Variants in ABCA13 observed in about 807,000 individuals in gnomAD.
ABCA13 encodes the protein ATP binding cassette subfamily A member 13.
Under a neutral mutation model 478.7 loss-of-function variants are expected in ABCA13, and 476 were observed. The observed-to-expected ratio is 0.99, with a 90% CI of 0.92 to 1.07. The LOEUF (loss-of-function observed/expected upper bound fraction) is 1.07. Ranked by LOEUF, ABCA13 falls within the 50% of genes least tolerant of loss-of-function variation. The pLI is 0.00. For missense variants in ABCA13, 6,060 were observed against 5,910.6 expected (o/e 1.03, Z -0.83); for synonymous variants, 2,252 against 2,158.9 (o/e 1.04, Z -1.20).
chr7:48,562,181 T>G (rs1421036703), intron 55 of ABCA13, among the ~76,000 whole-genome samples: 1 of 152,082 alleles, frequency 6.6e-6, no homozygotes, highest in African/African-American at 2.4e-5. Flanking sequence ...GAATCCTTAT[T>G]ATGATCTGAG....
At chr7:48,475,095 C>T (rs1319562097) in intron 45 of ABCA13, among the ~76,000 whole-genome samples, 4 of 152,182 alleles carry the variant, frequency 2.6e-5, no homozygotes, top group Non-Finnish European at 5.9e-5. Flanking sequence ...GTAGATGCAG[C>T]ATTTTCTGCA....
intron 2 of ABCA13, among the ~76,000 whole-genome samples, chr7:48,197,116 G>T (rs531625826): frequency 6.6e-6 from 1 of 152,280 alleles, no homozygotes; most frequent in African/African-American, 2.4e-5. Flanking sequence ...GTGAAGTTAG[G>T]CTTGTGATCA....
intron 33 of ABCA13, among the ~76,000 whole-genome samples, chr7:48,373,465 A>G (rs764970079): frequency 1.8e-4 from 28 of 152,244 alleles, no homozygotes; most frequent in Non-Finnish European, 1.9e-4. Flanking sequence ...TACTAGCCAT[A>G]TGCTCACAAC....
At chr7:48,441,787 G>A (rs764476193) in intron 42 of ABCA13, among the ~76,000 whole-genome samples, 4 of 152,044 alleles carry the variant, frequency 2.6e-5, no homozygotes, top group Non-Finnish European at 5.9e-5. Context: ...ATGTTATAGA[G>A]ATGTGATTTG....
intron 23 of ABCA13, among the ~76,000 whole-genome samples, chr7:48,308,818 TACC>T (rs1801303740): frequency 6.6e-6 from 1 of 151,202 alleles, no homozygotes; most frequent in African/African-American, 2.4e-5. Flanking sequence ...CACAAATACT[TACC>T]ACTGTGTGAC....
Position 48,350,667 on chromosome 7 carries a change from A to G in ABCA13, c.10229A>G (p.Asn3410Ser), listed in dbSNP as rs754970187. The change falls in exon 30 of 62, where the codon AAC becomes AGC. Residue 3410 changes from asparagine (N) to serine (S), a missense_variant. Physicochemically the swap from Asn to Ser is conservative, Grantham distance 46. Around this residue, in one of 3 missense-constraint regions of ABCA13, gnomAD observed 4,423 missense variants for 4,309.1 expected, o/e 1.03. Coordinates refer to ENST00000435803, the MANE Select transcript of ABCA13 (RefSeq NM_152701.5). The stretch of plus-strand genomic sequence containing the variant: ...GGAGGGCTGCTGGATGAGATGTTTA[A>G]CCATGCAGGCGCTGGACGCTTCCGT... Reference protein sequence around the residue: ...TYGGLLDEMFNHAGAGRFRFL... With the variant: ...TYGGLLDEMFSHAGAGRFRFL... The G allele has an allele frequency of 5.0e-6, 8 of 1,613,530 alleles. No homozygotes were observed. The Admixed American group carries it at 1.2e-4, about 24-fold the overall frequency.
At chr7:48,229,722 G>A in intron 6 of ABCA13, 103 bp from the exon 7 acceptor site, 1 of 1,380,430 alleles carries the variant, frequency 7.2e-7, no homozygotes, top group Non-Finnish European at 1.0e-6. Flanking sequence ...TCTTGCAACA[G>A]CACTAGGGGC....
At chr7:48,472,225 GA>G (rs1827578010) in intron 45 of ABCA13, among the ~76,000 whole-genome samples, 1 of 151,934 alleles carries the variant, frequency 6.6e-6, no homozygotes, top group African/African-American at 2.4e-5. Context: ...TAATTTATAG[GA>G]AAAAGGGAAA....
intron 3 of ABCA13, among the ~76,000 whole-genome samples, chr7:48,215,362 A>G (rs1174429253): frequency 1.3e-5 from 2 of 152,166 alleles, no homozygotes; most frequent in East Asian, 3.8e-4. Flanking sequence ...TTATATGGGC[A>G]TGGTTTGTGG....
At chr7:48,562,831 C>T (rs774622437) in intron 55 of ABCA13, among the ~76,000 whole-genome samples, 8 of 151,840 alleles carry the variant, frequency 5.3e-5, no homozygotes, top group Non-Finnish European at 1.2e-4. Flanking sequence ...TAGATGGTTG[C>T]CAAAATTATG....
At chr7:48,363,671 C>A (rs967257138) in intron 31 of ABCA13, among the ~76,000 whole-genome samples, 3 of 151,984 alleles carry the variant, frequency 2.0e-5, no homozygotes, top group Non-Finnish European at 4.4e-5. Context: ...TTTCTACATC[C>A]CTTACTGTAT....
chr7:48,293,980 G>A (rs942158490), intron 20 of ABCA13, among the ~76,000 whole-genome samples: 2 of 151,906 alleles, frequency 1.3e-5, no homozygotes, highest in African/African-American at 2.4e-5. Flanking sequence ...GGCAAATCCC[G>A]GTTTTATCCA....
intron 42 of ABCA13, among the ~76,000 whole-genome samples, chr7:48,438,301 T>C (rs940994947): frequency 1.3e-5 from 2 of 152,032 alleles, no homozygotes; most frequent in Non-Finnish European, 2.9e-5. Context: ...TTTCAATGTG[T>C]TTTGTTTGTT....
At chr7:48,463,261 A>G (rs540132000) in intron 43 of ABCA13, among the ~76,000 whole-genome samples, 1 of 152,278 alleles carries the variant, frequency 6.6e-6, no homozygotes, top group East Asian at 1.9e-4. Context: ...GACAGATCAG[A>G]TAAGTATGTT....
intron 5 of ABCA13, among the ~76,000 whole-genome samples, chr7:48,221,891 G>A (rs1734639450): frequency 6.6e-6 from 1 of 152,210 alleles, no homozygotes; most frequent in Non-Finnish European, 1.5e-5. Context: ...CGGTTGATAA[G>A]CCTCAAGTTA....
At chr7:48,213,674 C>T (rs963535814) in intron 3 of ABCA13, among the ~76,000 whole-genome samples, 1 of 152,206 alleles carries the variant, frequency 6.6e-6, no homozygotes. Context: ...CATTTACTTA[C>T]AGTGGGACTT....
chr7:48,511,684 AT>A (rs1323249175), intron 51 of ABCA13, among the ~76,000 whole-genome samples: 6 of 152,196 alleles, frequency 3.9e-5, no homozygotes, highest in South Asian at 4.1e-4. Context: ...CATTTTATGA[AT>A]TTCTGATTTA....
Position 48,496,852 on chromosome 7 carries a change from A to AT in ABCA13, c.13291+7516dup, listed in dbSNP as rs549829892. Among the ~76,000 whole-genome samples the AT allele has an allele frequency of 2.3e-3, 349 of 151,536 alleles. 1 individual carries two copies. The highest frequency in any genetic ancestry group is 4.2e-3 in the Non-Finnish European group (288 of 67,796). ...TCTCTCTTTGTGACGGCTTTAAAGA[A>AT]TTTTTTTTGTTGACTTATTAGTTTC... On this transcript the variant is annotated intron_variant, in intron 48 of 61. Transcript: ENST00000435803.
intron 2 of ABCA13, among the ~76,000 whole-genome samples, chr7:48,193,482 G>A (rs921685122): frequency 6.6e-6 from 1 of 152,030 alleles, no homozygotes; most frequent in Admixed American, 6.6e-5. Flanking sequence ...TGATGATGGA[G>A]ATGATGGTGA....
Sources: allele counts gnomAD v4.1 joint callset (sites outside exome capture counted in the v4.1 genomes callset), GRCh38; gene constraint gnomAD v4.1.1; regional missense constraint gnomAD v4.1.1; transcripts MANE v1.5; gene names NCBI Gene and HGNC (gene_info 2026-07-23, HGNC 2026-07-21).